FGF3: variants seen among roughly 807,000 people sequenced by gnomAD.
The protein encoded by FGF3 is FGF-3.
In FGF3, 7 loss-of-function variants were observed where a neutral mutation model predicts 9.8. The ratio of observed to expected loss-of-function variants is 0.72; its 90% confidence interval spans 0.41 to 1.35. The LOEUF (loss-of-function observed/expected upper bound fraction) is 1.35, where lower values mean the gene tolerates loss of function less well. Ranked by LOEUF, FGF3 falls within the 40% of genes most tolerant of loss-of-function variation. FGF3 has a pLI of 0.01. For synonymous variants in FGF3, 173 were observed against 157.2 expected (o/e 1.10, Z -0.75); for missense variants, 390 against 345.6 (o/e 1.13, Z -1.02).
chr11:69,815,011 G>A (rs1856102883), intron 2 of FGF3, among the ~76,000 whole-genome samples: 1 of 152,196 alleles, frequency 6.6e-6, no homozygotes, highest in Admixed American at 6.5e-5. Context: ...AGATGGATAG[G>A]TGTATGGATG....
At position 69,810,400 on chromosome 11, in the gene FGF3, G is replaced by T. The variant is rs374453035; in HGVS notation, c.625C>A (p.Arg209=). ...PRPPGKGVQP[R]RRRQKQSPDN... ...GGGCTCTGCTTCTGCCGCCGCCGTC[G>T]GGGCTGGACCCCCTTACCAGGGGGT... Residue 209 remains arginine (R), a synonymous_variant, in exon 3 of 3, where the codon CGA becomes AGA. Coordinates refer to ENST00000334134, the MANE Select transcript of FGF3 (RefSeq NM_005247.4). 3 of 1,560,206 alleles carry T rather than the reference G, an allele frequency of 1.9e-6. No homozygotes were observed. The East Asian group carries it at 7.0e-5, about 36-fold the overall frequency.
intron 2 of FGF3, among the ~76,000 whole-genome samples, chr11:69,813,961 T>G (rs1590963341): frequency 6.7e-6 from 1 of 149,356 alleles, no homozygotes; most frequent in Admixed American, 6.7e-5. Context: ...GGTGGATGGG[T>G]GGATGGGTGA....
chr11:69,812,258 A>T (rs1273553899), intron 2 of FGF3, among the ~76,000 whole-genome samples: 1 of 152,056 alleles, frequency 6.6e-6, no homozygotes, highest in East Asian at 1.9e-4. Context: ...GAGAGTGGAA[A>T]TGGCCTCCAG....
rs1856132359 is a variant in FGF3 at position 69,816,329 on chromosome 11, G to C, written c.315C>G (p.Leu105=). Residue 105 remains leucine, a synonymous_variant, in exon 2 of 3, where the codon CTC becomes CTG. Coordinates refer to ENST00000334134, the MANE Select transcript of FGF3 (RefSeq NM_005247.4). Reference sequence around the variant, plus strand: ...GACAGCCTGGACTCACCGAAGCATAGAGTCGTCCCCTCTTGTTCATGGCCA... The same window carrying C: ...GACAGCCTGGACTCACCGAAGCATACAGTCGTCCCCTCTTGTTCATGGCCA... ...RYLAMNKRGR[L]YASEHYSAEC... 2 of 1,613,456 alleles carry C rather than the reference G, an allele frequency of 1.2e-6. No individual in the cohort carries two copies. The highest frequency in any genetic ancestry group is 2.7e-5 in the African/African-American group (2 of 75,036).
chr11:69,816,504 A>C, intron 1 of FGF3, 81 bp from the exon 2 acceptor site: 1 of 1,074,260 alleles, frequency 9.3e-7, no homozygotes, highest in Non-Finnish European at 1.4e-6. Flanking sequence ...GCCCAAAGCC[A>C]CACCCCGGGC....
chr11:69,816,956 C>T (rs1190712045), intron 1 of FGF3, among the ~76,000 whole-genome samples: 1 of 152,200 alleles, frequency 6.6e-6, no homozygotes, highest in Non-Finnish European at 1.5e-5. Context: ...AGGGTGCCTG[C>T]CACCCAGATC....
rs782257231 is a variant in FGF3, at chr11:69,810,557, A to C, written c.468T>G (p.Ser156=). 6.2e-7 allele frequency: 1 copy of C among 1,612,814 alleles called. No individual in the cohort carries two copies. Among genetic ancestry groups the C allele is most frequent in the Admixed American group, 1.7e-5 (1 of 60,008 alleles). Residue 156 remains serine (S), a synonymous_variant, in exon 3 of 3, where the codon TCT becomes TCG. Transcript: ENST00000334134. ...QPSAERLWYV[S]VNGKGRPRRG... is the part of the protein sequence containing the mutation. ...TGCGGGGCCGGCCCTTGCCGTTCACAGACACGTACCACAGTCTCTCGGCGC... is the reference window on the plus strand; with the variant it reads ...TGCGGGGCCGGCCCTTGCCGTTCACCGACACGTACCACAGTCTCTCGGCGC...
intron 2 of FGF3, among the ~76,000 whole-genome samples, chr11:69,812,997 G>GC (rs1264859541): frequency 4.6e-5 from 7 of 152,108 alleles, no homozygotes; most frequent in African/African-American, 1.7e-4. Context: ...AGGGGCCAGG[G>GC]CCATAGACTC....
chr11:69,813,588 A>ATGGG (rs1413338286), intron 2 of FGF3, among the ~76,000 whole-genome samples: 1 of 72,792 alleles, frequency 1.4e-5, no homozygotes, highest in Non-Finnish European at 3.0e-5. Context: ...GGATGGATAG[A>ATGGG]TGGGTGGGTG....
At position 69,812,613 on chromosome 11, in the gene FGF3, G is replaced by T. The variant is rs182411990; in HGVS notation, c.325-1913C>A. ...TGTGCCTGACCCCCACATAGCCTGG[G>T]GCTCAGCGACTATCTGGGAATGAGC... On this transcript the variant is annotated intron_variant, in intron 2 of 2. Transcript: ENST00000334134. Among the ~76,000 whole-genome samples the T allele has an allele frequency of 3.9e-4, 59 of 152,270 alleles. No individual in the cohort carries two copies. In the East Asian group the frequency reaches 0.01, roughly 26 times the overall value.
chr11:69,818,222 C>A (rs1398514708), intron 1 of FGF3, among the ~76,000 whole-genome samples: 1 of 152,154 alleles, frequency 6.6e-6, no homozygotes, highest in East Asian at 1.9e-4. Flanking sequence ...GACGGCGGGG[C>A]GTCCAGGGGT....
At chr11:69,814,526 T>C (rs1390912828) in intron 2 of FGF3, among the ~76,000 whole-genome samples, 3 of 152,012 alleles carry the variant, frequency 2.0e-5, no homozygotes, top group African/African-American at 7.3e-5. Context: ...CAGTGCTCAC[T>C]GGCCCACAGT....
intron 2 of FGF3, among the ~76,000 whole-genome samples, chr11:69,813,913 T>TGGG (rs1554980799): frequency 1.1e-4 from 15 of 136,010 alleles, no homozygotes; most frequent in South Asian, 2.4e-4. Flanking sequence ...GATGGGTGGA[T>TGGG]TGCTGGATGG....
intron 2 of FGF3, among the ~76,000 whole-genome samples, chr11:69,816,074 C>T (rs546094558): frequency 7.9e-5 from 12 of 152,298 alleles, no homozygotes; most frequent in Admixed American, 7.2e-4. Flanking sequence ...GAAACCTTTG[C>T]TAACCTGGCA....
chr11:69,818,632 G>A (rs1856183744), intron 1 of FGF3, 82 bp downstream of exon 1: 2 of 1,086,492 alleles, frequency 1.8e-6, no homozygotes, highest in South Asian at 4.4e-5. Context: ...CCTCCCCCGC[G>A]GGGCCCCGCA....
At position 69,817,048 on chromosome 11, in the gene FGF3, C is replaced by T. The variant is rs543701446; in HGVS notation, c.221-625G>A. Among the ~76,000 whole-genome samples the T allele has an allele frequency of 3.9e-5, 6 of 152,312 alleles. No homozygotes were observed. The East Asian group carries it at 1.2e-3, about 29-fold the overall frequency. ...CAGGAAGCCAGTTTAGACCCTGGAGCCCGCAGAGGGAAGCTGGACGGGTCT... is the reference window on the plus strand; with the variant it reads ...CAGGAAGCCAGTTTAGACCCTGGAGTCCGCAGAGGGAAGCTGGACGGGTCT... On this transcript the variant is annotated intron_variant, in intron 1 of 2. Coordinates refer to ENST00000334134, the MANE Select transcript of FGF3 (RefSeq NM_005247.4).
Position 69,816,363 on chromosome 11 carries a change from C to T in FGF3, c.281G>A (p.Gly94Glu). ...CCTCTTGTTCATGGCCAGGTACCGC[C>T]CGGAGAAGAGACCCCTGATGGCCAC... ...GIVAIRGLFS[G>E]RYLAMNKRGR... Residue 94 changes from glycine to glutamate, a missense_variant, in exon 2 of 3, where the codon GGG (glycine) becomes GAG (glutamate). Coordinates refer to ENST00000334134, the MANE Select transcript of FGF3 (RefSeq NM_005247.4). 1 of 1,614,130 alleles carries T rather than the reference C, an allele frequency of 6.2e-7. No individual in the cohort carries two copies. Among genetic ancestry groups the T allele is most frequent in the Non-Finnish European group, 8.5e-7 (1 of 1,180,004 alleles).
chr11:69,810,280 C>G lies in FGF3; in HGVS notation c.*25G>C. The G allele has an allele frequency of 6.5e-7, 1 of 1,537,508 alleles. No homozygotes were observed. ...TGCCACGCCAAGATGTCGCCAGGAG[C>G]TCTGGCGGTGGCCACCAGGCCCAGC... On this transcript the variant is annotated 3_prime_UTR_variant, in exon 3 of 3. Coordinates refer to ENST00000334134, the MANE Select transcript of FGF3 (RefSeq NM_005247.4).
At chr11:69,816,987 G>A (rs1357621021) in intron 1 of FGF3, among the ~76,000 whole-genome samples, 1 of 152,184 alleles carries the variant, frequency 6.6e-6, no homozygotes, top group East Asian at 1.9e-4. Context: ...TAGACCTGGC[G>A]GGAGATCATT....
Sources: gnomAD v4.1 joint callset for allele counts (sites outside exome capture counted in the v4.1 genomes callset) on GRCh38, gnomAD v4.1.1 for gene constraint, MANE v1.5 for transcripts, NCBI Gene and HGNC (gene_info 2026-07-23, HGNC 2026-07-21) for gene names.